KDM4C: variants seen among roughly 807,000 people sequenced by gnomAD.
KDM4C encodes lysine-specific demethylase 4C.
In KDM4C, 81 loss-of-function variants were observed where a neutral mutation model predicts 129.3. The ratio of observed to expected loss-of-function variants is 0.63; its 90% CI spans 0.52 to 0.75. The LOEUF (loss-of-function observed/expected upper bound fraction) is 0.75. Ranked by LOEUF, KDM4C falls within the 30% of genes least tolerant of loss-of-function variation. The pLI, the probability that KDM4C is intolerant of heterozygous loss-of-function variation, is 0.00. For synonymous variants in KDM4C, 573 were observed against 456.1 expected (o/e 1.26, Z -3.26); for missense variants, 1,457 against 1,304.0 (o/e 1.12, Z -1.81).
At chr9:6,863,174 C>A (rs905183599) in intron 5 of KDM4C, among the ~76,000 whole-genome samples, 2 of 152,004 alleles carry the variant, frequency 1.3e-5, no homozygotes, top group African/African-American at 4.8e-5. Flanking sequence ...AACTCCCCCC[C>A]ACCCCATGTT....
intron 19 of KDM4C, among the ~76,000 whole-genome samples, chr9:7,138,428 T>C (rs1841427147): frequency 6.6e-6 from 1 of 152,236 alleles, no homozygotes; most frequent in South Asian, 2.1e-4. Flanking sequence ...GTTAAAATAG[T>C]ACAATATGTT....
chr9:7,003,521 A>G (rs907652125), intron 12 of KDM4C, among the ~76,000 whole-genome samples: 1 of 151,494 alleles, frequency 6.6e-6, no homozygotes, highest in Non-Finnish European at 1.5e-5. Flanking sequence ...TTTGGAATGT[A>G]TCCTTCTGAA....
chr9:6,741,789 A>G (rs911902511), intron 1 of KDM4C, among the ~76,000 whole-genome samples: 1 of 147,932 alleles, frequency 6.8e-6, no homozygotes, highest in African/African-American at 2.5e-5. Context: ...GCTGATTTTG[A>G]ACTCCTGGTC....
chr9:6,784,370 G>A (rs759361758), intron 1 of KDM4C, among the ~76,000 whole-genome samples: 2 of 152,002 alleles, frequency 1.3e-5, no homozygotes, highest in East Asian at 1.9e-4. Flanking sequence ...CTGGGACTAC[G>A]GGTACATGCC....
At chr9:7,163,103 C>A (rs943602025) in intron 19 of KDM4C, among the ~76,000 whole-genome samples, 17 of 152,066 alleles carry the variant, frequency 1.1e-4, no homozygotes, top group African/African-American at 4.1e-4. Flanking sequence ...AGTGCAGGTT[C>A]TCTGTCTGCA....
intron 17 of KDM4C, among the ~76,000 whole-genome samples, chr9:7,073,255 G>C (rs913580195): frequency 6.6e-6 from 1 of 152,182 alleles, no homozygotes; most frequent in Non-Finnish European, 1.5e-5. Context: ...TCATTAATTA[G>C]ATATTACAGT....
intron 1 of KDM4C, among the ~76,000 whole-genome samples, chr9:6,759,998 C>G (rs910552823): frequency 7.4e-6 from 1 of 134,924 alleles, no homozygotes; most frequent in Non-Finnish European, 1.6e-5. Context: ...TAAATAAAAG[C>G]TTTTAGTAAA....
At chr9:6,807,120 C>T (rs1375950681) in intron 3 of KDM4C, among the ~76,000 whole-genome samples, 1 of 151,932 alleles carries the variant, frequency 6.6e-6, no homozygotes, top group Non-Finnish European at 1.5e-5. Context: ...CAGCCCCTAA[C>T]CGCGAGTGAT....
intron 12 of KDM4C, among the ~76,000 whole-genome samples, chr9:6,996,188 T>C (rs1819711710): frequency 6.6e-6 from 1 of 152,222 alleles, no homozygotes; most frequent in African/African-American, 2.4e-5. Context: ...CACAAATGTT[T>C]TAAGCCATGG....
At chr9:6,806,486 C>T (rs1217158403) in intron 3 of KDM4C, among the ~76,000 whole-genome samples, 1 of 149,782 alleles carries the variant, frequency 6.7e-6, no homozygotes, top group Non-Finnish European at 1.5e-5. Context: ...AAGAGTGAAA[C>T]TCCGTCTCGA....
chr9:7,023,754 A>G (rs1364139149), intron 15 of KDM4C, among the ~76,000 whole-genome samples: 2 of 152,062 alleles, frequency 1.3e-5, no homozygotes, highest in East Asian at 1.9e-4. Context: ...TTCTTTTTTT[A>G]TATAAGCACT....
chr9:7,144,101 G>T (rs1402706726), intron 19 of KDM4C, among the ~76,000 whole-genome samples: 1 of 146,070 alleles, frequency 6.8e-6, no homozygotes, highest in Non-Finnish European at 1.5e-5. Context: ...TCCTCTTTTT[G>T]TTTTTTTTTT....
At chr9:7,127,937 G>A (rs1840191886) in intron 18 of KDM4C, 129 bp from the exon 19 acceptor site, 1 of 813,460 alleles carries the variant, frequency 1.2e-6, no homozygotes, top group African/African-American at 1.8e-5. Context: ...TCAATATTAA[G>A]TTAAAAATTT....
At chr9:6,793,542 CTTTT>C (rs921927883) in intron 2 of KDM4C, among the ~76,000 whole-genome samples, 11 of 137,682 alleles carry the variant, frequency 8.0e-5, no homozygotes, top group African/African-American at 2.8e-4. Context: ...TTCTTTCTTT[CTTTT>C]TTTTTTTTTT....
intron 12 of KDM4C, among the ~76,000 whole-genome samples, chr9:7,003,562 A>T (rs569862667): frequency 6.6e-6 from 1 of 152,052 alleles, no homozygotes. Flanking sequence ...TTGAGAGGTG[A>T]TACATAAAGA....
At chr9:6,741,105 T>G (rs886472335) in intron 1 of KDM4C, among the ~76,000 whole-genome samples, 4 of 152,002 alleles carry the variant, frequency 2.6e-5, no homozygotes, top group African/African-American at 9.7e-5. Context: ...AAATATATTT[T>G]TAAAAACTCA....
intron 3 of KDM4C, among the ~76,000 whole-genome samples, chr9:6,812,366 T>C (rs1831316884): frequency 6.6e-6 from 1 of 152,196 alleles, no homozygotes; most frequent in Non-Finnish European, 1.5e-5. Flanking sequence ...AAACAGCATC[T>C]CTGCTATCTT....
Position 6,731,222 on chromosome 9 carries a change from C to T in KDM4C, c.49+10225C>T, listed in dbSNP as rs1268620943. ...TCTTATACTGGGAACGTCATGTTTA[C>T]AGGAGAAAAACAAAACGTGGTCTGT... On this transcript the variant is annotated intron_variant, in intron 1 of 17. Coordinates refer to the KDM4C transcript ENST00000536108. Among the ~76,000 whole-genome samples the T allele has an allele frequency of 2.0e-5, 3 of 151,604 alleles. No individual in the cohort carries two copies. The East Asian group carries it at 5.8e-4, about 29-fold the overall frequency.
In KDM4C at chr9:7,013,784, T is replaced by C; in HGVS notation, c.1969-4T>C. On this transcript the variant is annotated splice_polypyrimidine_tract_variant and splice_region_variant and intron_variant, in intron 13 of 21. Coordinates refer to ENST00000381309, the MANE Select transcript of KDM4C (RefSeq NM_015061.6). ...CACTCATGTGGAAACGTTATGTTTT[T>C]CAGCCAGATAGCAGCAATGAAGAAA... 6.2e-7 allele frequency: 1 copy of C among 1,613,400 alleles called. No individual in the cohort carries two copies. The highest frequency in any genetic ancestry group is 1.1e-5 in the South Asian group (1 of 91,048).
Sources: allele counts gnomAD v4.1 joint callset (sites outside exome capture counted in the v4.1 genomes callset), GRCh38; gene constraint gnomAD v4.1.1; transcripts MANE v1.5; gene names NCBI Gene and HGNC (gene_info 2026-07-23, HGNC 2026-07-21).